The following ROBO1 variants were observed in gnomAD, a reference collection of about 807,000 sequenced individuals.
ROBO1 encodes the protein roundabout homolog 1.
Under a neutral mutation model 195.9 loss-of-function variants are expected in ROBO1, and 149 were observed. The ratio of observed to expected loss-of-function variants is 0.76; its 90% confidence interval spans 0.67 to 0.87. The LOEUF (loss-of-function observed/expected upper bound fraction) is 0.87. Ranked by LOEUF, ROBO1 falls within the 40% of genes least tolerant of loss-of-function variation. The pLI is 0.00. For synonymous variants in ROBO1, 816 were observed against 733.2 expected (o/e 1.11, Z -1.82); for missense variants, 1,933 against 2,068.3 (o/e 0.93, Z 1.27).
At chr3:79,507,876 A>T (rs1319373270) in intron 2 of ROBO1, 4 of 154,758 alleles carry the variant, frequency 2.6e-5, no homozygotes, top group Non-Finnish European at 1.5e-5. Flanking sequence ...TAATTAGGCT[A>T]ATATAAGTCT....
At chr3:79,651,423 TA>T (rs1319551693) in intron 1 of ROBO1, among the ~76,000 whole-genome samples, 1 of 152,158 alleles carries the variant, frequency 6.6e-6, no homozygotes, top group Non-Finnish European at 1.5e-5. Flanking sequence ...CTGCTTTTTT[TA>T]AAAGCACCTA....
chr3:78,690,201 T>C (rs1356106341), intron 8 of ROBO1, among the ~76,000 whole-genome samples: 2 of 151,440 alleles, frequency 1.3e-5, no homozygotes, highest in Non-Finnish European at 3.0e-5. Flanking sequence ...GTAAAACGAC[T>C]TGATGATTGC....
intron 8 of ROBO1, among the ~76,000 whole-genome samples, chr3:78,701,310 G>T (rs2081415440): frequency 6.6e-6 from 1 of 152,166 alleles, no homozygotes; most frequent in East Asian, 1.9e-4. Context: ...CTTATAAAAA[G>T]GTTTGGGGAA....
chr3:79,452,213 A>G (rs2039464913), intron 2 of ROBO1, among the ~76,000 whole-genome samples: 1 of 152,086 alleles, frequency 6.6e-6, no homozygotes, highest in African/African-American at 2.4e-5. Flanking sequence ...TCATCTCACT[A>G]TACATGTCTT....
chr3:78,986,986 TAAAC>T (rs2108027312), intron 3 of ROBO1, among the ~76,000 whole-genome samples: 1 of 152,220 alleles, frequency 6.6e-6, no homozygotes, highest in South Asian at 2.1e-4. Flanking sequence ...TTTGTTTTCT[TAAAC>T]AGTGCCTATT....
intron 1 of ROBO1, among the ~76,000 whole-genome samples, chr3:79,752,173 G>A (rs1295128148): frequency 6.6e-6 from 1 of 152,132 alleles, no homozygotes; most frequent in Non-Finnish European, 1.5e-5. Context: ...AGAAATAGTG[G>A]ATTTGTGTAT....
intron 2 of ROBO1, among the ~76,000 whole-genome samples, chr3:79,304,307 C>T (rs951608059): frequency 6.6e-6 from 1 of 151,932 alleles, no homozygotes; most frequent in Non-Finnish European, 1.5e-5. Flanking sequence ...GCACATACCA[C>T]AGGAAAATGT....
chr3:78,599,814 T>C (rs940393451), intron 30 of ROBO1, among the ~76,000 whole-genome samples: 3 of 152,242 alleles, frequency 2.0e-5, no homozygotes, highest in African/African-American at 7.2e-5. Flanking sequence ...ATAATAGCTC[T>C]AGATCAACAG....
chr3:79,400,487 T>C (rs2037328095), intron 2 of ROBO1, among the ~76,000 whole-genome samples: 2 of 152,132 alleles, frequency 1.3e-5, no homozygotes, highest in Non-Finnish European at 2.9e-5. Context: ...TGTGCACTTC[T>C]ACTTTGAAGG....
At chr3:79,211,896 A>G (rs753967864) in intron 2 of ROBO1, among the ~76,000 whole-genome samples, 1 of 152,186 alleles carries the variant, frequency 6.6e-6, no homozygotes, top group African/African-American at 2.4e-5. Context: ...CAGCCTTCAG[A>G]GCTGAGAGCC....
chr3:79,536,360 T>A (rs1325645359), intron 2 of ROBO1, among the ~76,000 whole-genome samples: 3 of 152,136 alleles, frequency 2.0e-5, no homozygotes, highest in Non-Finnish European at 4.4e-5. Flanking sequence ...TTCATTCCAG[T>A]GTATCATGCA....
At chr3:78,817,057 G>A (rs957833177) in intron 4 of ROBO1, among the ~76,000 whole-genome samples, 1 of 152,168 alleles carries the variant, frequency 6.6e-6, no homozygotes, top group Non-Finnish European at 1.5e-5. Flanking sequence ...GTTTGAGAGG[G>A]TTAACTACCA....
At chr3:79,471,385 T>C (rs1938260703) in intron 2 of ROBO1, among the ~76,000 whole-genome samples, 2 of 151,834 alleles carry the variant, frequency 1.3e-5, no homozygotes, top group African/African-American at 4.8e-5. Context: ...ACAGGAAAAA[T>C]ATTTGCAGAC....
chr3:79,277,668 G>A (rs1047900830), intron 2 of ROBO1, among the ~76,000 whole-genome samples: 2 of 151,826 alleles, frequency 1.3e-5, no homozygotes, highest in Non-Finnish European at 2.9e-5. Context: ...TTGAGGTGAT[G>A]GATACCCCAT....
intron 2 of ROBO1, among the ~76,000 whole-genome samples, chr3:79,484,753 A>ATTTTTTTTTTTTTTTTTTTTTTTTTTT (rs1402757273): frequency 5.7e-5 from 1 of 17,696 alleles, no homozygotes; most frequent in African/African-American, 3.2e-4. Flanking sequence ...TCATTGCACT[A>ATTTTTTTTTTTTTTTTTTTTTTTTTTT]TCTTTTTTTT....
chr3:79,555,256 T>C (rs1942656905), intron 2 of ROBO1, among the ~76,000 whole-genome samples: 1 of 152,186 alleles, frequency 6.6e-6, no homozygotes, highest in East Asian at 1.9e-4. Flanking sequence ...GATTGCTTGC[T>C]GCGCTCCTAA....
At chr3:79,332,068 G>T (rs545883417) in intron 2 of ROBO1, among the ~76,000 whole-genome samples, 2 of 151,530 alleles carry the variant, frequency 1.3e-5, no homozygotes, top group East Asian at 3.9e-4. Flanking sequence ...GCGTGAACCC[G>T]GGAGGCGAAG....
intron 1 of ROBO1, among the ~76,000 whole-genome samples, chr3:79,738,266 C>A (rs1458681556): frequency 6.6e-6 from 1 of 152,040 alleles, no homozygotes; most frequent in Admixed American, 6.6e-5. Flanking sequence ...AAAGACAATG[C>A]AAAGTAAAAG....
At chr3:78,763,093 T>G (rs1448087817) in intron 4 of ROBO1, among the ~76,000 whole-genome samples, 1 of 152,092 alleles carries the variant, frequency 6.6e-6, no homozygotes, top group African/African-American at 2.4e-5. Flanking sequence ...ATCTAAGTAA[T>G]GCTTGAAAGA....
Sources: gnomAD v4.1 joint callset for allele counts (sites outside exome capture counted in the v4.1 genomes callset) on GRCh38, gnomAD v4.1.1 for gene constraint, MANE v1.5 for transcripts, NCBI Gene and HGNC (gene_info 2026-07-23, HGNC 2026-07-21) for gene names.